TENM1: variants seen among roughly 807,000 people sequenced by gnomAD.
TENM1 encodes teneurin-1.
TENM1 carries 35 observed loss-of-function variants against 174.8 expected under a neutral mutation model. That is an observed-to-expected ratio of 0.20 (90% CI 0.15 to 0.27). TENM1 has a LOEUF of 0.27. Among genes scored for constraint, TENM1 ranks in the 10% least tolerant of loss-of-function variants. The pLI is 1.00. For synonymous variants in TENM1, 781 were observed against 798.7 expected, an observed-to-expected ratio of 0.98 and a Z score of 0.37; for missense variants, 1,633 against 2,130.1, an observed-to-expected ratio of 0.77 and a Z score of 4.59.
chrX:124,780,816 A>T (rs760085386), intron 3 of TENM1, among the ~76,000 whole-genome samples: 1 of 111,716 alleles, frequency 9.0e-6, no homozygotes, highest in Non-Finnish European at 1.9e-5. Flanking sequence ...AATTCAGGGA[A>T]CACTAGGTTC....
rs775073857 is a variant in TENM1 at position 124,742,811 on chromosome X, C to T, written c.536-5614G>A. Among the ~76,000 whole-genome samples, 14 of 110,609 alleles carry T rather than the reference C, an allele frequency of 1.3e-4. No individual in the cohort carries two copies. In the East Asian group the frequency reaches 4.0e-3, roughly 31 times the overall value. ...TTAATGCCTCTGAAGACCATATAATCTACACGTGCAAAGAACATCAGGGCA... is the reference window on the plus strand; with the variant it reads ...TTAATGCCTCTGAAGACCATATAATTTACACGTGCAAAGAACATCAGGGCA... On this transcript the variant is annotated intron_variant, in intron 3 of 31. Coordinates refer to ENST00000422452, the Ensembl canonical transcript of TENM1.
At chrX:124,603,695 A>G (rs1260927724) in intron 11 of TENM1, among the ~76,000 whole-genome samples, 1 of 111,925 alleles carries the variant, frequency 8.9e-6, no homozygotes, top group Non-Finnish European at 1.9e-5. Flanking sequence ...TTGGCTGAAC[A>G]ATAAAGATAT....
In TENM1 at chrX:124,681,403, G is replaced by C. The variant is rs749234794; in HGVS notation, c.1016-9568C>G. On this transcript the variant is annotated intron_variant, in intron 5 of 31. Transcript: ENST00000422452. ...GGTTTTCTGAAGTGACACCATGACA[G>C]TGTTCTTCTGAAAGAGTCACTAATG... 1.2e-4 allele frequency among the ~76,000 whole-genome samples: 14 copies of C among 112,018 alleles called. No homozygotes were observed. In the South Asian group the frequency reaches 4.8e-3, roughly 39 times the overall value.
the TENM1 span, among the ~76,000 whole-genome samples, chrX:125,162,567 T>C: frequency 8.9e-6 from 1 of 112,171 alleles, no homozygotes; most frequent in Non-Finnish European, 1.9e-5. Context: ...TCTGAAACAT[T>C]AAATTGTCCT....
chrX:125,118,073 C>T, the TENM1 span, among the ~76,000 whole-genome samples: 1 of 111,384 alleles, frequency 9.0e-6, no homozygotes, highest in African/African-American at 3.3e-5. Flanking sequence ...TTTTTTGCAG[C>T]AACATGGATG....
chrX:124,466,879 T>C (rs777631818), intron 22 of TENM1, among the ~76,000 whole-genome samples: 3 of 111,539 alleles, frequency 2.7e-5, no homozygotes, highest in East Asian at 2.8e-4. Flanking sequence ...AAAACCAATA[T>C]AGGTAAGCTT....
chrX:124,797,665 G>A (rs1436573405), intron 3 of TENM1, among the ~76,000 whole-genome samples: 1 of 109,356 alleles, frequency 9.1e-6, no homozygotes, highest in African/African-American at 3.3e-5. Context: ...ACTTGATAAA[G>A]TTAGCCGTAA....
chrX:124,882,445 G>T (rs775167947), intron 3 of TENM1, among the ~76,000 whole-genome samples: 14 of 111,768 alleles, frequency 1.3e-4, no homozygotes, highest in African/African-American at 3.9e-4. Context: ...CTAATGCTGA[G>T]AGTGGGGTGT....
At chrX:124,578,548 C>A (rs1038368035) in intron 11 of TENM1, among the ~76,000 whole-genome samples, 1 of 111,611 alleles carries the variant, frequency 9.0e-6, no homozygotes, top group Non-Finnish European at 1.9e-5. Context: ...GTACAAGGAA[C>A]AAATGAGTCA....
At chrX:124,820,296 A>G (rs1210103702) in intron 3 of TENM1, among the ~76,000 whole-genome samples, 1 of 111,168 alleles carries the variant, frequency 9.0e-6, no homozygotes, top group African/African-American at 3.3e-5. Context: ...GTTTTATCTT[A>G]CCTAAAGTGA....
the TENM1 span, among the ~76,000 whole-genome samples, chrX:125,041,966 C>T: frequency 8.9e-6 from 1 of 111,753 alleles, no homozygotes; most frequent in Non-Finnish European, 1.9e-5. Flanking sequence ...GCTAGCAATG[C>T]TTATATAAAT....
At chrX:124,896,161 G>C in exon 2 of TENM1, 1 of 1,211,438 alleles carries the variant, frequency 8.3e-7, no homozygotes, top group Non-Finnish European at 1.1e-6. Flanking sequence ...ATCTCTAGCT[G>C]GTAGCCATGC....
At chrX:125,149,969 C>T in the TENM1 span, among the ~76,000 whole-genome samples, 1 of 111,181 alleles carries the variant, frequency 9.0e-6, no homozygotes, top group African/African-American at 3.3e-5. Context: ...GTTTCAGTAA[C>T]CAACACATGC....
At chrX:124,703,664 G>A (rs1468468346) in intron 5 of TENM1, among the ~76,000 whole-genome samples, 1 of 111,511 alleles carries the variant, frequency 9.0e-6, no homozygotes, top group East Asian at 2.8e-4. Flanking sequence ...ATTATTCCTT[G>A]TTCTCAATGA....
chrX:125,148,257 C>G, the TENM1 span, among the ~76,000 whole-genome samples: 1 of 110,501 alleles, frequency 9.0e-6, no homozygotes, highest in African/African-American at 3.3e-5. Flanking sequence ...CCGCAGCATT[C>G]AATCTAAGTC....
intron 4 of TENM1, among the ~76,000 whole-genome samples, chrX:124,719,843 A>G (rs945477529): frequency 2.7e-5 from 3 of 112,440 alleles, no homozygotes; most frequent in African/African-American, 9.7e-5. Context: ...GCCTATCCTT[A>G]GAAAACAAAT....
At position 124,384,042 on chromosome X, in the gene TENM1, C is replaced by T. The variant is rs374209416; in HGVS notation, c.6889G>A (p.Glu2297Lys). Reference sequence around the variant, plus strand: ...AGATCATAATACAGAGATGTAATCTCCGAGCTTGTGTGGTTGTACAAATGA... The same window carrying T: ...AGATCATAATACAGAGATGTAATCTTCGAGCTTGTGTGGTTGTACAAATGA... Residue 2297 changes from glutamate (E) to lysine (K), a missense_variant, in exon 30 of 32, where the codon GAG (glutamate) becomes AAG (lysine). Glu to Lys is a moderately conservative substitution (Grantham distance 56, BLOSUM62 1). Coordinates refer to ENST00000422452, the Ensembl canonical transcript of TENM1. The T allele has an allele frequency of 3.1e-5, 37 of 1,209,874 alleles. No individual in the cohort carries two copies. Among genetic ancestry groups the T allele is most frequent in the Non-Finnish European group, 4.0e-5 (36 of 895,158 alleles).
At chrX:124,520,667 C>T (rs1419839740) in exon 18 of TENM1, 2 of 1,210,506 alleles carry the variant, frequency 1.7e-6, no homozygotes, top group South Asian at 3.5e-5. Flanking sequence ...ATCATGCCTA[C>T]AGGAATCGTT....
chrX:125,105,364 A>G, the TENM1 span, among the ~76,000 whole-genome samples: 1 of 111,253 alleles, frequency 9.0e-6, no homozygotes, highest in Non-Finnish European at 1.9e-5. Context: ...ATTTCTTATT[A>G]AACACCAACA....
Sources: allele counts gnomAD v4.1 joint callset (sites outside exome capture counted in the v4.1 genomes callset), GRCh38; gene constraint gnomAD v4.1.1; transcripts MANE v1.5; gene names NCBI Gene and HGNC (gene_info 2026-07-23, HGNC 2026-07-21).